The following IFT56 variants were observed in gnomAD, a reference collection of about 807,000 sequenced individuals.
IFT56 encodes the protein intraflagellar transport protein 56.
the IFT56 span, chr7:139,179,484 A>G: frequency 4.1e-5 from 42 of 1,015,342 alleles, no homozygotes; most frequent in Admixed American, 3.2e-4. Context: ...ATAATGCTAC[A>G]GTGATCATCA....
chr7:139,147,679 T>G, the IFT56 span, among the ~76,000 whole-genome samples: 2 of 152,230 alleles, frequency 1.3e-5, no homozygotes, highest in Non-Finnish European at 2.9e-5. Context: ...CCAGTTGAAA[T>G]GTATGGTCTA....
At chr7:139,134,510 C>G in the IFT56 span, 3 of 789,806 alleles carry the variant, frequency 3.8e-6, no homozygotes, top group Non-Finnish European at 5.5e-6. Context: ...ACCTCGTGAT[C>G]CGCCGCCTTC....
chr7:139,140,347 C>T, the IFT56 span, among the ~76,000 whole-genome samples: 3 of 152,168 alleles, frequency 2.0e-5, no homozygotes, highest in Non-Finnish European at 4.4e-5. Flanking sequence ...TTTATCGCTG[C>T]TTTTCCTGTT....
At chr7:139,167,980 G>T in the IFT56 span, among the ~76,000 whole-genome samples, 1,155 of 151,410 alleles carry the variant, frequency 7.6e-3, 27 homozygotes, top group East Asian at 0.074. Context: ...TAATATATAT[G>T]ATATGGTCAC....
At chr7:139,140,622 A>G in the IFT56 span, among the ~76,000 whole-genome samples, 1 of 151,970 alleles carries the variant, frequency 6.6e-6, no homozygotes, top group Non-Finnish European at 1.5e-5. Flanking sequence ...TCTACTAAAA[A>G]TACAAAAATA....
chr7:139,159,179 T>C, the IFT56 span, among the ~76,000 whole-genome samples: 2 of 152,218 alleles, frequency 1.3e-5, no homozygotes, highest in South Asian at 4.1e-4. Flanking sequence ...TAAGATTGGC[T>C]TTTATATTTC....
At chr7:139,151,885 A>G in the IFT56 span, among the ~76,000 whole-genome samples, 61 of 152,246 alleles carry the variant, frequency 4.0e-4, 2 homozygotes, top group South Asian at 1.7e-3. Context: ...AACATGATGG[A>G]ACCCCATCTC....
At chr7:139,153,856 A>G in the IFT56 span, among the ~76,000 whole-genome samples, 1 of 152,326 alleles carries the variant, frequency 6.6e-6, no homozygotes, top group South Asian at 2.1e-4. Flanking sequence ...GTTTATACCT[A>G]GGAGTGGAAT....
chr7:139,166,536 CTCTTTTTTA>C, the IFT56 span, among the ~76,000 whole-genome samples: 1 of 147,856 alleles, frequency 6.8e-6, no homozygotes, highest in South Asian at 2.1e-4. Flanking sequence ...ATATATGTAT[CTCTTTTTTA>C]AAGAAATCAT....
At chr7:139,184,379 G>A in the IFT56 span, among the ~76,000 whole-genome samples, 1 of 152,122 alleles carries the variant, frequency 6.6e-6, no homozygotes, top group Non-Finnish European at 1.5e-5. Flanking sequence ...CAAGCTATTG[G>A]AACACACAGT....
the IFT56 span, among the ~76,000 whole-genome samples, chr7:139,185,879 C>T: frequency 2.2e-4 from 34 of 151,722 alleles, no homozygotes; most frequent in Middle Eastern, 6.8e-3. Context: ...AAAATCTTCG[C>T]GTGAGATTAG....
the IFT56 span, among the ~76,000 whole-genome samples, chr7:139,150,437 T>C: frequency 1.3e-5 from 2 of 152,232 alleles, no homozygotes; most frequent in African/African-American, 4.8e-5. Flanking sequence ...GTATGGTTAC[T>C]CAATATCCTA....
the IFT56 span, chr7:139,179,544 G>T: frequency 6.3e-7 from 1 of 1,595,992 alleles, no homozygotes; most frequent in Admixed American, 1.7e-5. Context: ...GCATCCTCAT[G>T]TGTATTCCCT....
chr7:139,173,513 G>A, the IFT56 span: 1 of 746,692 alleles, frequency 1.3e-6, no homozygotes, highest in East Asian at 2.5e-5. Flanking sequence ...ACAGGTGTGA[G>A]CCACCGCACC....
At chr7:139,187,289 G>A in the IFT56 span, 2 of 1,209,254 alleles carry the variant, frequency 1.7e-6, no homozygotes, top group Admixed American at 5.0e-5. Flanking sequence ...AACTGAAAAT[G>A]TTGTCAGCAC....
the IFT56 span, among the ~76,000 whole-genome samples, chr7:139,167,986 G>A: frequency 4.6e-5 from 7 of 151,810 alleles, no homozygotes; most frequent in Non-Finnish European, 8.8e-5. Context: ...ATATGATATG[G>A]TCACAGAGAA....
chr7:139,135,890 C>G, the IFT56 span, among the ~76,000 whole-genome samples: 3 of 152,054 alleles, frequency 2.0e-5, no homozygotes, highest in South Asian at 4.2e-4. Flanking sequence ...ATATATTTCT[C>G]CATCTTCCAC....
At chr7:139,168,533 A>T in the IFT56 span, 2 of 689,422 alleles carry the variant, frequency 2.9e-6, no homozygotes, top group Non-Finnish European at 5.3e-6. Context: ...CCCAATCCAG[A>T]CTCCACTGAG....
At chr7:139,167,937 T>C in the IFT56 span, among the ~76,000 whole-genome samples, 3 of 130,112 alleles carry the variant, frequency 2.3e-5, no homozygotes, top group Admixed American at 2.3e-4. Flanking sequence ...CAAGACTCGG[T>C]CTCAAAAAAA....
Sources: allele counts gnomAD v4.1 joint callset (sites outside exome capture counted in the v4.1 genomes callset), GRCh38; gene constraint gnomAD v4.1.1; transcripts MANE v1.5; gene names NCBI Gene and HGNC (gene_info 2026-07-23, HGNC 2026-07-21).